The following THSD7A variants were observed in gnomAD, a reference collection of about 807,000 sequenced individuals.
THSD7A encodes the protein thrombospondin type-1 domain-containing protein 7A.
Under a neutral mutation model 231.3 loss-of-function variants are expected in THSD7A, and 96 were observed. The observed-to-expected ratio is 0.41, with a 90% CI of 0.35 to 0.49. THSD7A has a LOEUF of 0.49. Ranked by LOEUF, THSD7A falls within the 20% of genes least tolerant of loss-of-function variation. The pLI, the probability that THSD7A is intolerant of heterozygous loss-of-function variation, is 0.05. For synonymous variants in THSD7A, 940 were observed against 743.3 expected (o/e 1.26, Z -4.30); for missense variants, 2,290 against 2,070.2 (o/e 1.11, Z -2.06).
chr7:11,791,459 T>G (rs1384027649), intron 1 of THSD7A, among the ~76,000 whole-genome samples: 1 of 152,016 alleles, frequency 6.6e-6, no homozygotes, highest in East Asian at 1.9e-4. Flanking sequence ...ATTTATCCTT[T>G]GTTGAGGGTT....
intron 11 of THSD7A, among the ~76,000 whole-genome samples, chr7:11,450,570 G>C (rs1785111118): frequency 6.6e-6 from 1 of 151,966 alleles, no homozygotes; most frequent in Non-Finnish European, 1.5e-5. Flanking sequence ...CCTGATACTA[G>C]GGCGAGGAAA....
chr7:11,777,462 CTT>C (rs1783451088), intron 1 of THSD7A, among the ~76,000 whole-genome samples: 1 of 148,948 alleles, frequency 6.7e-6, no homozygotes, highest in African/African-American at 2.5e-5. Context: ...CACACACACT[CTT>C]TAACTGGCAG....
chr7:11,384,632 C>T (rs1464801927), intron 23 of THSD7A: 2 of 151,968 alleles, frequency 1.3e-5, no homozygotes, highest in African/African-American at 4.8e-5. Context: ...TTTCCCTCTG[C>T]CACTTACTTA....
At chr7:11,589,326 T>C (rs1050963181) in intron 4 of THSD7A, among the ~76,000 whole-genome samples, 2 of 152,104 alleles carry the variant, frequency 1.3e-5, no homozygotes, top group Admixed American at 6.6e-5. Context: ...GATTTACCCT[T>C]GGTTTTTGCT....
At chr7:11,716,685 CA>C (rs1562499121) in intron 1 of THSD7A, among the ~76,000 whole-genome samples, 1 of 151,428 alleles carries the variant, frequency 6.6e-6, no homozygotes, top group African/African-American at 2.4e-5. Context: ...TATTGCCATT[CA>C]TCTATATCAC....
intron 1 of THSD7A, among the ~76,000 whole-genome samples, chr7:11,685,976 A>C (rs2354970): frequency 1.3e-5 from 2 of 151,752 alleles, no homozygotes; most frequent in Non-Finnish European, 2.9e-5. Context: ...CTTGGTGCCC[A>C]TTAATGGTGG....
chr7:11,575,677 T>C (rs1375158314), intron 4 of THSD7A, among the ~76,000 whole-genome samples: 1 of 152,148 alleles, frequency 6.6e-6, no homozygotes, highest in East Asian at 1.9e-4. Context: ...TGTACCTCCA[T>C]TCATTTAGTA....
Position 11,814,318 on chromosome 7 carries a change from T to C in THSD7A, c.190+17439A>G, listed in dbSNP as rs1002756193. Among the ~76,000 whole-genome samples, 3 of 152,230 alleles carry C rather than the reference T, an allele frequency of 2.0e-5. No homozygotes were observed. Among genetic ancestry groups the C allele is most frequent in the Non-Finnish European group, 2.9e-5 (2 of 68,046 alleles). On this transcript the variant is annotated intron_variant, in intron 1 of 27. Transcript: ENST00000423059. This position sits in a 1 kb window ranked among gnomAD's most constrained non-coding sequence, Gnocchi z 5.1. Reference sequence around the variant, plus strand: ...AGCTGTTAAAAGAATGGCTCTGTGATGGCAATCCCAAGTATTCAGCACGTG... The same window carrying C: ...AGCTGTTAAAAGAATGGCTCTGTGACGGCAATCCCAAGTATTCAGCACGTG...
chr7:11,462,527 G>A (rs959435527), intron 9 of THSD7A, among the ~76,000 whole-genome samples: 3 of 152,060 alleles, frequency 2.0e-5, no homozygotes, highest in African/African-American at 7.2e-5. Flanking sequence ...TTTATCACAT[G>A]GGACTCATAC....
intron 16 of THSD7A, among the ~76,000 whole-genome samples, chr7:11,419,791 A>G (rs1323855170): frequency 6.6e-6 from 1 of 152,232 alleles, no homozygotes; most frequent in Non-Finnish European, 1.5e-5. Context: ...GGTGAAATCC[A>G]GGCTGAGGTG....
chr7:11,532,475 T>C (rs1027284143), intron 6 of THSD7A, among the ~76,000 whole-genome samples: 1 of 152,166 alleles, frequency 6.6e-6, no homozygotes, highest in African/African-American at 2.4e-5. Context: ...TAGTGAAGGA[T>C]AGAGACAGAT....
At chr7:11,674,763 T>G (rs1037449805) in intron 1 of THSD7A, among the ~76,000 whole-genome samples, 2 of 152,152 alleles carry the variant, frequency 1.3e-5, no homozygotes, top group African/African-American at 4.8e-5. Context: ...CCAGAGTGTT[T>G]AATCACCTCC....
At chr7:11,557,663 G>A (rs1789904784) in intron 4 of THSD7A, among the ~76,000 whole-genome samples, 1 of 152,120 alleles carries the variant, frequency 6.6e-6, no homozygotes, top group African/African-American at 2.4e-5. Flanking sequence ...ACTGCAAGGT[G>A]AAGGCAGAAG....
In THSD7A at chr7:11,474,581, A is replaced by T. The variant is rs761520975; in HGVS notation, c.2018-13T>A. On this transcript the variant is annotated splice_polypyrimidine_tract_variant and intron_variant, in intron 7 of 27. Coordinates refer to ENST00000423059, the MANE Select transcript of THSD7A (RefSeq NM_015204.3). This position sits in a 1 kb window ranked among gnomAD's most constrained non-coding sequence, Gnocchi z 4.1. Reference sequence around the variant, plus strand: ...CAGCGAATTCCACCTAAAAACATGGACAATGATAGCAAATTAGATACGGTG... The same window carrying T: ...CAGCGAATTCCACCTAAAAACATGGTCAATGATAGCAAATTAGATACGGTG... The T allele has an allele frequency of 1.3e-6, 2 of 1,579,628 alleles. No individual in the cohort carries two copies. Among genetic ancestry groups the T allele is most frequent in the Non-Finnish European group, 1.7e-6 (2 of 1,154,114 alleles).
rs73677845 is a variant in THSD7A, at chr7:11,817,130, C to A, written c.190+14627G>T. Among the ~76,000 whole-genome samples, 395 of 152,242 alleles carry A rather than the reference C, an allele frequency of 2.6e-3. 2 individuals are homozygous for A. The highest frequency in any genetic ancestry group is 8.9e-3 in the African/African-American group (369 of 41,548). ...GAAGATTTTGAACCACGTATATTGA[C>A]ATGTGAAAGTAGGATATTCATATAT... On this transcript the variant is annotated intron_variant, in intron 1 of 27. Transcript: ENST00000423059.
At chr7:11,724,052 A>G (rs1203641775) in intron 1 of THSD7A, among the ~76,000 whole-genome samples, 1 of 151,954 alleles carries the variant, frequency 6.6e-6, no homozygotes, top group Non-Finnish European at 1.5e-5. Flanking sequence ...TAAAAATAAT[A>G]GGAGTGAAGA....
chr7:11,661,000 T>C (rs1337232552), intron 1 of THSD7A, among the ~76,000 whole-genome samples: 1 of 151,412 alleles, frequency 6.6e-6, no homozygotes, highest in Admixed American at 6.6e-5. Context: ...CTGGAGGTAT[T>C]TCCCAATTAT....
At chr7:11,701,550 G>A (rs1312491549) in intron 1 of THSD7A, among the ~76,000 whole-genome samples, 1 of 150,914 alleles carries the variant, frequency 6.6e-6, no homozygotes, top group African/African-American at 2.4e-5. Context: ...ATTCTGCTTG[G>A]AAACTGATCG....
intron 4 of THSD7A, among the ~76,000 whole-genome samples, chr7:11,564,697 A>G (rs375152516): frequency 1.2e-4 from 19 of 152,286 alleles, no homozygotes; most frequent in African/African-American, 4.6e-4. Context: ...TTCACTGGCC[A>G]TTTTAGGGAA....
Sources: gnomAD v4.1 joint callset for allele counts (sites outside exome capture counted in the v4.1 genomes callset) on GRCh38, gnomAD v4.1.1 for gene constraint, Gnocchi (gnomAD v3.1) non-coding constraint, MANE v1.5 for transcripts, NCBI Gene and HGNC (gene_info 2026-07-23, HGNC 2026-07-21) for gene names.